The following GALNT17 variants were observed in gnomAD, a reference collection of about 807,000 sequenced individuals.
GALNT17 encodes polypeptide N-acetylgalactosaminyltransferase 17, also known as UDP-GalNAc:polypeptide N-acetylgalactosaminyltransferase-like 3.
A neutral mutation model predicts 63.7 loss-of-function variants in GALNT17; 29 were observed. The observed-to-expected ratio is 0.46, with a 90% confidence interval of 0.34 to 0.62. GALNT17 has a LOEUF of 0.62. Ranked by LOEUF, GALNT17 falls within the 20% of genes least tolerant of loss-of-function variation. The pLI, the probability that GALNT17 is intolerant of heterozygous loss-of-function variation, is 0.01. For synonymous variants in GALNT17, 305 were observed against 318.3 expected, an observed-to-expected ratio of 0.96 and a Z score of 0.45; for missense variants, 603 against 799.6, an observed-to-expected ratio of 0.75 and a Z score of 2.97.
At chr7:71,538,163 T>C (rs1169821721) in intron 5 of GALNT17, among the ~76,000 whole-genome samples, 2 of 152,206 alleles carry the variant, frequency 1.3e-5, no homozygotes, top group Non-Finnish European at 2.9e-5. Context: ...TGAACGAACA[T>C]TGATAATTTT....
chr7:71,314,855 A>G (rs1435205087), intron 1 of GALNT17, among the ~76,000 whole-genome samples: 5 of 152,178 alleles, frequency 3.3e-5, no homozygotes, highest in Non-Finnish European at 1.5e-5. Context: ...GCACTGAGCC[A>G]TGATTGCACA....
At chr7:71,494,690 G>T (rs1456318453) in intron 5 of GALNT17, among the ~76,000 whole-genome samples, 1 of 152,072 alleles carries the variant, frequency 6.6e-6, no homozygotes, top group African/African-American at 2.4e-5. Flanking sequence ...GAGAGAAGCT[G>T]TATTAGTCTG....
intron 5 of GALNT17, among the ~76,000 whole-genome samples, chr7:71,502,667 TC>T (rs1208837768): frequency 6.6e-6 from 1 of 152,114 alleles, no homozygotes; most frequent in Non-Finnish European, 1.5e-5. Context: ...GTTTCAATCT[TC>T]CCAGTGTCAA....
At chr7:71,290,810 A>C (rs555817276) in intron 1 of GALNT17, among the ~76,000 whole-genome samples, 1 of 152,296 alleles carries the variant, frequency 6.6e-6, no homozygotes, top group African/African-American at 2.4e-5. Flanking sequence ...CAGACTCCAG[A>C]GAGCCGTGTT....
intron 2 of GALNT17, among the ~76,000 whole-genome samples, chr7:71,363,146 T>C (rs1792438110): frequency 6.6e-6 from 1 of 152,048 alleles, no homozygotes. Context: ...TTTGTATTTT[T>C]AGTAGAGCCA....
At chr7:71,391,204 G>A (rs1160408383) in intron 3 of GALNT17, among the ~76,000 whole-genome samples, 5 of 152,160 alleles carry the variant, frequency 3.3e-5, no homozygotes, top group South Asian at 2.1e-4. Flanking sequence ...GAGGTGGCCC[G>A]GGGCTAGAAC....
chr7:71,538,893 G>A (rs1788843158), intron 5 of GALNT17, among the ~76,000 whole-genome samples: 1 of 151,644 alleles, frequency 6.6e-6, no homozygotes, highest in Non-Finnish European at 1.5e-5. Flanking sequence ...AGGGAAAGAG[G>A]GACAGAGGGA....
chr7:71,470,361 A>G (rs1402665104), intron 5 of GALNT17, among the ~76,000 whole-genome samples: 2 of 152,140 alleles, frequency 1.3e-5, no homozygotes. Context: ...GGTTCCTGGT[A>G]TCTCCTGTGG....
chr7:71,365,806 G>A (rs1393893193), intron 2 of GALNT17, among the ~76,000 whole-genome samples: 1 of 152,134 alleles, frequency 6.6e-6, no homozygotes, highest in East Asian at 1.9e-4. Flanking sequence ...TATGAACTGG[G>A]GGTGAGGGGT....
intron 5 of GALNT17, among the ~76,000 whole-genome samples, chr7:71,544,561 C>T (rs1788950367): frequency 6.6e-6 from 1 of 152,184 alleles, no homozygotes; most frequent in Non-Finnish European, 1.5e-5. Flanking sequence ...CTTTCATCCT[C>T]TGCAAGTGCA....
chr7:71,459,904 C>A (rs926044797), intron 5 of GALNT17, among the ~76,000 whole-genome samples: 1 of 152,162 alleles, frequency 6.6e-6, no homozygotes, highest in Non-Finnish European at 1.5e-5. Context: ...ATGAACATTT[C>A]CTTTCTATTA....
Position 71,635,704 on chromosome 7 carries a change from A to G in GALNT17, c.1081-29707A>G, listed in dbSNP as rs932545355. 2.0e-5 allele frequency among the ~76,000 whole-genome samples: 3 copies of G among 152,242 alleles called. 1 individual carries two copies. Among genetic ancestry groups the G allele is most frequent in the South Asian group, 4.1e-4 (2 of 4,828 alleles). ...TAAAGGAATAAAGAATGGTTACTCC[A>G]TAGGCAGGGCTGCTGGTTGCCCATT... is the stretch of plus-strand genomic sequence containing the variant. On this transcript the variant is annotated intron_variant, in intron 6 of 10. Transcript: ENST00000333538.
chr7:71,144,929 C>T (rs1321979048), intron 1 of GALNT17, among the ~76,000 whole-genome samples: 1 of 152,108 alleles, frequency 6.6e-6, no homozygotes, highest in Non-Finnish European at 1.5e-5. Flanking sequence ...GGGGTTTCAC[C>T]ATGTTAGCCA....
At position 71,665,354 on chromosome 7, in the gene GALNT17, G is replaced by C. The variant is rs578185952; in HGVS notation, c.1081-57G>C. ...GAACCATTGCTTTTGGGCTTGGGGAGGGGGCATAGCCTCTGGGAATTTCTT... is the reference window on the plus strand; with the variant it reads ...GAACCATTGCTTTTGGGCTTGGGGACGGGGCATAGCCTCTGGGAATTTCTT... On this transcript the variant is annotated intron_variant, in intron 6 of 10. Transcript: ENST00000333538. 148 of 1,531,430 alleles carry C rather than the reference G, an allele frequency of 9.7e-5. 2 individuals are homozygous for C. The South Asian group carries it at 1.8e-3, about 19-fold the overall frequency. The allele number at this position is 1,531,430 out of a possible 1,614,324, so 94.9% of individuals were successfully genotyped here.
chr7:71,322,979 T>C (rs1791643148), intron 1 of GALNT17, among the ~76,000 whole-genome samples: 1 of 152,092 alleles, frequency 6.6e-6, no homozygotes, highest in Non-Finnish European at 1.5e-5. Flanking sequence ...CTGTGGAAAG[T>C]ATGAAAACAT....
At chr7:71,185,279 C>T (rs577892316) in intron 1 of GALNT17, among the ~76,000 whole-genome samples, 283 of 151,546 alleles carry the variant, frequency 1.9e-3, no homozygotes, top group African/African-American at 6.2e-3. Context: ...CATCACGGCT[C>T]ACTGCAGCCT....
chr7:71,525,103 T>C (rs989815909), intron 5 of GALNT17, among the ~76,000 whole-genome samples: 1 of 152,196 alleles, frequency 6.6e-6, no homozygotes, highest in Non-Finnish European at 1.5e-5. Flanking sequence ...TTAAAAGTCA[T>C]GGCAAAAACT....
chr7:71,653,716 G>T (rs1243321056), intron 6 of GALNT17, among the ~76,000 whole-genome samples: 1 of 151,896 alleles, frequency 6.6e-6, no homozygotes, highest in Non-Finnish European at 1.5e-5. Context: ...CAAAAAGTAG[G>T]ACATCTTGAA....
At chr7:71,369,962 G>A (rs1792591527) in intron 2 of GALNT17, among the ~76,000 whole-genome samples, 1 of 152,136 alleles carries the variant, frequency 6.6e-6, no homozygotes, top group South Asian at 2.1e-4. Flanking sequence ...TTCTTTTGAT[G>A]CCATTCTGTC....
Sources: allele counts gnomAD v4.1 joint callset (sites outside exome capture counted in the v4.1 genomes callset), GRCh38; gene constraint gnomAD v4.1.1; transcripts MANE v1.5; gene names NCBI Gene and HGNC (gene_info 2026-07-23, HGNC 2026-07-21).